CTDP1: variants seen among roughly 807,000 people sequenced by gnomAD.
CTDP1 encodes the protein RNA polymerase II subunit A C-terminal domain phosphatase.
In CTDP1, 47 loss-of-function variants were observed where a neutral mutation model predicts 91.8. The observed-to-expected ratio is 0.51, with a 90% CI of 0.41 to 0.65. CTDP1 has a LOEUF of 0.65. Ranked by LOEUF, CTDP1 falls within the 30% of genes least tolerant of loss-of-function variation. The pLI, the probability that CTDP1 is intolerant of heterozygous loss-of-function variation, is 0.00. For synonymous variants in CTDP1, 656 were observed against 598.5 expected (o/e 1.10, Z -1.40); for missense variants, 1,272 against 1,373.7 (o/e 0.93, Z 1.17).
intron 12 of CTDP1, among the ~76,000 whole-genome samples, chr18:79,738,825 C>T (rs776540641): frequency 2.0e-5 from 3 of 152,190 alleles, no homozygotes; most frequent in East Asian, 1.9e-4. Flanking sequence ...GTGTTTACCA[C>T]GTAGAAAGCA....
intron 10 of CTDP1, among the ~76,000 whole-genome samples, chr18:79,725,749 C>T (rs1344312426): frequency 6.6e-6 from 1 of 151,998 alleles, no homozygotes; most frequent in Non-Finnish European, 1.5e-5. Flanking sequence ...TCGGGGCAGG[C>T]CTGGGCCCTC....
rs1377258739 is a variant in CTDP1 at position 79,717,671 on chromosome 18, A to G, written c.2205A>G (p.Ala735=). ...CGCTCAGGGACGATCACACCAAGGC[A>G]CAGAGGTGGGTCCTCGCTGCACCCA... ...LFPLRDDHTK[A]QRENSPAAFP... is the part of the protein sequence containing the mutation. The change falls in exon 9 of 13, where the codon GCA becomes GCG. Residue 735 remains alanine, a synonymous_variant. Transcript: ENST00000613122. The G allele has an allele frequency of 1.2e-6, 2 of 1,613,906 alleles. No individual in the cohort carries two copies. The highest frequency in any genetic ancestry group is 4.5e-5 in the East Asian group (2 of 44,894).
chr18:79,714,623 A>G lies in CTDP1; in HGVS notation c.1163A>G (p.Glu388Gly). 6.2e-7 allele frequency: 1 copy of G among 1,612,676 alleles called. No homozygotes were observed. The highest frequency in any genetic ancestry group is 1.1e-5 in the South Asian group (1 of 91,070). Residue 388 changes from glutamate to glycine, a missense_variant, in exon 8 of 13, where the codon GAG (glutamate) becomes GGG (glycine). Around this residue, in one of 3 missense-constraint regions of CTDP1, gnomAD observed 881 missense variants for 911.6 expected, o/e 0.97. Coordinates refer to ENST00000613122, the MANE Select transcript of CTDP1 (RefSeq NM_004715.5). ...EKPARELNGS[E>G]AATPRDSPRP... ...CCTGCACGGGAGCTGAACGGCAGCG[A>G]GGCCGCCACCCCGCGGGACTCACCC...
At chr18:79,691,235 C>T (rs999250807) in intron 1 of CTDP1, among the ~76,000 whole-genome samples, 3 of 152,328 alleles carry the variant, frequency 2.0e-5, no homozygotes, top group African/African-American at 7.2e-5. Flanking sequence ...AGTGCGCACC[C>T]GACTCAGCTT....
chr18:79,749,471 AGGGAGCC>A (rs879910287), intron 12 of CTDP1, among the ~76,000 whole-genome samples: 1 of 141,492 alleles, frequency 7.1e-6, no homozygotes, highest in Non-Finnish European at 1.6e-5. Context: ...GCACACAGGC[AGGGAGCC>A]GGGCACCAGA....
At chr18:79,727,700 C>T (rs752143924) in intron 10 of CTDP1, among the ~76,000 whole-genome samples, 3 of 152,114 alleles carry the variant, frequency 2.0e-5, no homozygotes, top group South Asian at 2.1e-4. Context: ...ACTTAGTGCC[C>T]GTTTTCCTTC....
chr18:79,731,290 G>C (rs955469106), intron 11 of CTDP1, among the ~76,000 whole-genome samples: 12 of 152,214 alleles, frequency 7.9e-5, no homozygotes, highest in Admixed American at 1.3e-4. Flanking sequence ...CGGCGCGTCA[G>C]TGTGTTAGGT....
rs532946505 is a variant in CTDP1, at chr18:79,718,071, G to T, written c.2417+55G>T. 25 of 1,595,754 alleles carry T rather than the reference G, an allele frequency of 1.6e-5. No homozygotes were observed. In the African/African-American group the frequency reaches 2.5e-4, roughly 16 times the overall value. ...CTAATGAGGGCTCTTCAAGCTTGCT[G>T]CTCCAGTCTGTTGGGGGGATGGCGT... On this transcript the variant is annotated intron_variant, in intron 10 of 12. Coordinates refer to ENST00000613122, the MANE Select transcript of CTDP1 (RefSeq NM_004715.5).
intron 10 of CTDP1, among the ~76,000 whole-genome samples, chr18:79,727,111 G>A (rs1239190244): frequency 1.3e-5 from 2 of 152,164 alleles, no homozygotes; most frequent in Non-Finnish European, 2.9e-5. Context: ...TGCTGCCGGT[G>A]GGGTTGGATG....
Position 79,715,031 on chromosome 18 carries a change from C to T in CTDP1, c.1571C>T (p.Pro524Leu), listed in dbSNP as rs754387883. 14 of 1,604,842 alleles carry T rather than the reference C, an allele frequency of 8.7e-6. No individual in the cohort carries two copies. The highest frequency in any genetic ancestry group is 2.2e-5 in the East Asian group (1 of 44,534). The change falls in exon 8 of 13, where the codon CCG (proline) becomes CTG (leucine). Residue 524 changes from proline to leucine, a missense_variant. Pro to Leu is a moderately conservative substitution (Grantham distance 98, BLOSUM62 -3). Transcript: ENST00000613122. ...GAGGCCGAGCCTGGCGCGCATGCCC[C>T]GGACAAGGAGCCTGAGCTGGGTGGG... ...PGEAEPGAHA[P>L]DKEPELGGQE... is the part of the protein sequence containing the mutation.
chr18:79,708,322 CA>C (rs2086009482), intron 5 of CTDP1, among the ~76,000 whole-genome samples: 2 of 152,248 alleles, frequency 1.3e-5, no homozygotes, highest in South Asian at 4.1e-4. Context: ...TCAAAAACAG[CA>C]AATGTGTTTC....
intron 12 of CTDP1, among the ~76,000 whole-genome samples, chr18:79,739,480 G>C (rs1002936311): frequency 6.6e-6 from 1 of 151,886 alleles, no homozygotes; most frequent in Non-Finnish European, 1.5e-5. Context: ...AGCACGATTA[G>C]AGAACCACGC....
At chr18:79,749,735 G>A (rs12607836) in intron 12 of CTDP1, 8 of 151,938 alleles carry the variant, frequency 5.3e-5, no homozygotes, top group East Asian at 1.9e-4. Context: ...CACCCCTCAC[G>A]GCAGCACCTT....
chr18:79,741,268 CG>C (rs1458622646), intron 12 of CTDP1, among the ~76,000 whole-genome samples: 1 of 152,178 alleles, frequency 6.6e-6, no homozygotes, highest in Non-Finnish European at 1.5e-5. Context: ...TGAGGTCCCC[CG>C]TGCGGTTGAT....
chr18:79,718,946 T>G (rs1390291308), intron 10 of CTDP1, among the ~76,000 whole-genome samples: 1 of 152,120 alleles, frequency 6.6e-6, no homozygotes, highest in Non-Finnish European at 1.5e-5. Context: ...TGATGTCCTT[T>G]TCGAGCCTTT....
chr18:79,700,703 A>AAACACG (rs1472989306), intron 4 of CTDP1, among the ~76,000 whole-genome samples: 42 of 152,246 alleles, frequency 2.8e-4, no homozygotes, highest in Admixed American at 1.9e-3. Context: ...CACTGATGAA[A>AAACACG]CTAAACACGC....
chr18:79,717,448 G>T lies in CTDP1; in HGVS notation c.2069-87G>T, dbSNP rs1383128854. Reference sequence around the variant, plus strand: ...CTGAGCCCTGGTGGGGTACAGCCAGGTGAGGGCCCTGGTGGGTGCAGCCGG... The same window carrying T: ...CTGAGCCCTGGTGGGGTACAGCCAGTTGAGGGCCCTGGTGGGTGCAGCCGG... On this transcript the variant is annotated intron_variant, in intron 8 of 12. Transcript: ENST00000613122. 2.5e-6 allele frequency: 4 copies of T among 1,581,782 alleles called. No homozygotes were observed. The African/African-American group carries it at 5.4e-5, about 21-fold the overall frequency.
chr18:79,705,208 C>A lies in CTDP1; in HGVS notation c.772+291C>A, dbSNP rs74362627. On this transcript the variant is annotated intron_variant, in intron 5 of 12. Transcript: ENST00000613122. ...TTCTGCGAGCGTCCTCCGACAGATACCTTCTTAAATCAGTTCACAGGGACT... is the reference window on the plus strand; with the variant it reads ...TTCTGCGAGCGTCCTCCGACAGATAACTTCTTAAATCAGTTCACAGGGACT... Among the ~76,000 whole-genome samples the A allele has an allele frequency of 8.8e-3, 1,335 of 152,256 alleles. 39 individuals carry two copies. The highest frequency in any genetic ancestry group is 0.082 in the East Asian group (423 of 5,174).
At chr18:79,697,323 C>T (rs1475184673) in intron 3 of CTDP1, among the ~76,000 whole-genome samples, 1 of 148,842 alleles carries the variant, frequency 6.7e-6, no homozygotes, top group Non-Finnish European at 1.5e-5. Context: ...CTCCTGATGC[C>T]GGGGTGACCG....
Sources: gnomAD v4.1 joint callset for allele counts (sites outside exome capture counted in the v4.1 genomes callset) on GRCh38, gnomAD v4.1.1 for gene constraint, gnomAD v4.1.1 regional missense constraint, MANE v1.5 for transcripts, NCBI Gene and HGNC (gene_info 2026-07-23, HGNC 2026-07-21) for gene names.